Variants in PCSK6 observed in about 807,000 individuals in gnomAD.
The protein encoded by PCSK6 is proprotein convertase subtilisin/kexin type 6, also known as paired basic amino acid cleaving enzyme 4.
Under a neutral mutation model 123.3 loss-of-function variants are expected in PCSK6, and 85 were observed. That is an observed-to-expected ratio of 0.69 (90% confidence interval 0.58 to 0.83). The LOEUF is 0.83. Among genes scored for constraint, PCSK6 ranks in the 40% least tolerant of loss-of-function variants. The pLI is 0.00. For synonymous variants in PCSK6, 508 were observed against 516.0 expected, an observed-to-expected ratio of 0.98 and a Z score of 0.21; for missense variants, 1,191 against 1,282.3, an observed-to-expected ratio of 0.93 and a Z score of 1.09.
chr15:101,386,087 C>T (rs1224118467), intron 9 of PCSK6, among the ~76,000 whole-genome samples: 3 of 152,040 alleles, frequency 2.0e-5, no homozygotes, highest in Non-Finnish European at 4.4e-5. Context: ...CAAGCCCCAG[C>T]CTTGTCTCGG....
chr15:101,439,226 A>T (rs2056690107), intron 2 of PCSK6, among the ~76,000 whole-genome samples: 2 of 152,342 alleles, frequency 1.3e-5, no homozygotes, highest in South Asian at 2.1e-4. Context: ...AATGCGGATG[A>T]GCGCTTCCCT....
rs1413114471 is a variant in PCSK6 at position 101,318,168 on chromosome 15, T to C, written c.2569+151A>G. 3 of 619,744 alleles carry C rather than the reference T, an allele frequency of 4.8e-6. No homozygotes were observed. In the East Asian group the frequency reaches 8.3e-5, roughly 17 times the overall value. The allele number at this position is 619,744 out of a possible 1,614,324, so 38.4% of individuals were successfully genotyped here. On this transcript the variant is annotated intron_variant, in intron 19 of 21. Transcript: ENST00000611716. ...CCCCACTCTCCCGGCCCCCAGTCCCTGGTAGGGCCTTTGTACCTTGTTTTG... is the reference window on the plus strand; with the variant it reads ...CCCCACTCTCCCGGCCCCCAGTCCCCGGTAGGGCCTTTGTACCTTGTTTTG...
chr15:101,407,601 C>A (rs1338229218), intron 6 of PCSK6, among the ~76,000 whole-genome samples: 6 of 152,200 alleles, frequency 3.9e-5, no homozygotes, highest in African/African-American at 1.4e-4. Context: ...CTAGGGACAG[C>A]CCCTATTCCC....
intron 15 of PCSK6, among the ~76,000 whole-genome samples, chr15:101,329,825 C>G (rs1312011731): frequency 6.6e-6 from 1 of 152,216 alleles, no homozygotes; most frequent in Non-Finnish European, 1.5e-5. Context: ...ATGTCCTGGC[C>G]TCCCAGCCAC....
chr15:101,377,798 T>C (rs2041794811), intron 11 of PCSK6, among the ~76,000 whole-genome samples: 1 of 152,240 alleles, frequency 6.6e-6, no homozygotes. Flanking sequence ...ACATTGGCTT[T>C]TGGGTCTGAA....
At chr15:101,408,907 T>C (rs1014434424) in intron 6 of PCSK6, among the ~76,000 whole-genome samples, 1 of 152,214 alleles carries the variant, frequency 6.6e-6, no homozygotes, top group African/African-American at 2.4e-5. Context: ...AAAAACATGA[T>C]TCAGTTCCCC....
chr15:101,308,191 G>A (rs1596161622), intron 20 of PCSK6: 2 of 152,316 alleles, frequency 1.3e-5, no homozygotes, highest in Non-Finnish European at 2.9e-5. Context: ...CTATGCTGCT[G>A]CCTGTCCTGA....
intron 12 of PCSK6, 99 bp from the exon 13 acceptor site, chr15:101,366,431 T>C (rs2041393910): frequency 1.6e-6 from 2 of 1,283,474 alleles, no homozygotes; most frequent in African/African-American, 1.5e-5. Flanking sequence ...CTGTATGACC[T>C]GGCTGGACCG....
At position 101,367,558 on chromosome 15, in the gene PCSK6, C is replaced by T. The variant is rs80078428; in HGVS notation, c.1722-1226G>A. On this transcript the variant is annotated intron_variant, in intron 12 of 21. Coordinates refer to ENST00000611716, the MANE Select transcript of PCSK6 (RefSeq NM_002570.5). ...AAAGGTCAAGGCTGATTTTCACACT[C>T]GATGCCAAGCTGAACCCAACACACT... is the stretch of plus-strand genomic sequence containing the variant. Among the ~76,000 whole-genome samples the T allele has an allele frequency of 1.3e-3, 202 of 152,296 alleles. 5 individuals carry two copies. The East Asian group carries it at 0.035, about 27-fold the overall frequency.
At chr15:101,406,541 G>A (rs151251042) in intron 6 of PCSK6, among the ~76,000 whole-genome samples, 3 of 152,176 alleles carry the variant, frequency 2.0e-5, no homozygotes, top group African/African-American at 7.2e-5. Flanking sequence ...AGCACATTCT[G>A]TTCTATGAGC....
chr15:101,352,468 T>G (rs1331274313), intron 13 of PCSK6, among the ~76,000 whole-genome samples: 4 of 152,212 alleles, frequency 2.6e-5, no homozygotes, highest in African/African-American at 9.6e-5. Flanking sequence ...CAGACAGAAA[T>G]TTCTAATTTT....
chr15:101,403,384 C>T (rs1275367461), intron 6 of PCSK6, among the ~76,000 whole-genome samples: 1 of 149,392 alleles, frequency 6.7e-6, no homozygotes, highest in Non-Finnish European at 1.5e-5. Flanking sequence ...AACTAACCTG[C>T]ACATTGTGCA....
At chr15:101,349,916 A>T (rs8024801) in intron 13 of PCSK6, among the ~76,000 whole-genome samples, 2 of 151,058 alleles carry the variant, frequency 1.3e-5, no homozygotes, top group African/African-American at 4.9e-5. Context: ...TATTTTTTTT[A>T]TTTTTATTTT....
chr15:101,389,748 C>A (rs943498254), intron 8 of PCSK6, among the ~76,000 whole-genome samples, 184 bp from the exon 9 acceptor site: 2 of 152,180 alleles, frequency 1.3e-5, no homozygotes, highest in Non-Finnish European at 2.9e-5. Context: ...GTGCTCCCTG[C>A]TAAATCACTT....
chr15:101,381,458 G>C (rs2041908701), intron 11 of PCSK6, among the ~76,000 whole-genome samples: 1 of 152,336 alleles, frequency 6.6e-6, no homozygotes, highest in Middle Eastern at 3.4e-3. Context: ...TCACGGGAGA[G>C]AGATGAAGCC....
chr15:101,347,157 C>G, intron 13 of PCSK6: 1 of 1,231,754 alleles, frequency 8.1e-7, no homozygotes, highest in South Asian at 4.1e-5. Flanking sequence ...TAGTGACAAA[C>G]TTGAAAGCCG....
chr15:101,443,602 G>A lies in PCSK6; in HGVS notation c.356C>T (p.Thr119Ile), dbSNP rs762741137. The A allele has an allele frequency of 9.3e-6, 15 of 1,613,992 alleles. No individual in the cohort carries two copies. In the South Asian group the frequency reaches 1.6e-4, roughly 18 times the overall value. The change falls in exon 2 of 22, where the codon ACC becomes ATC. Residue 119 changes from threonine to isoleucine, a missense_variant. Physicochemically the swap from Thr to Ile is moderately conservative, Grantham distance 89. Coordinates refer to ENST00000611716, the MANE Select transcript of PCSK6 (RefSeq NM_002570.5). ...FYHSKTFKRS[T>I]LSSRGPHTFL... ...GGTGTGAGGGCCTCTGCTACTCAAG[G>A]TTGATCTTTTAAAGGTTTTGCTGTG...
intron 11 of PCSK6, among the ~76,000 whole-genome samples, chr15:101,376,873 T>A (rs2041761050): frequency 6.6e-6 from 1 of 152,084 alleles, no homozygotes; most frequent in African/African-American, 2.4e-5. Flanking sequence ...ATGCTCTGTA[T>A]AACAACAGCC....
intron 2 of PCSK6, among the ~76,000 whole-genome samples, chr15:101,435,302 C>T (rs1268755377): frequency 7.6e-6 from 1 of 131,086 alleles, no homozygotes; most frequent in Non-Finnish European, 1.6e-5. Flanking sequence ...CAGAGTGAGA[C>T]TCTGTCTCAA....
Sources: gnomAD v4.1 joint callset for allele counts (sites outside exome capture counted in the v4.1 genomes callset) on GRCh38, gnomAD v4.1.1 for gene constraint, MANE v1.5 for transcripts, NCBI Gene and HGNC (gene_info 2026-07-23, HGNC 2026-07-21) for gene names.